The following NUP85 variants were observed in gnomAD, a reference collection of about 807,000 sequenced individuals.
NUP85 encodes nuclear pore complex protein Nup85.
In NUP85, 23 loss-of-function variants were observed where a neutral mutation model predicts 92.8. The observed-to-expected ratio is 0.25, with a 90% CI of 0.18 to 0.35. NUP85 has a LOEUF of 0.35. Among genes scored for constraint, NUP85 ranks in the 10% least tolerant of loss-of-function variants. The pLI, the probability that NUP85 is intolerant of heterozygous loss-of-function variation, is 1.00. For missense variants in NUP85, 759 were observed against 822.8 expected, an observed-to-expected ratio of 0.92 and a Z score of 0.95; for synonymous variants, 314 against 306.9, an observed-to-expected ratio of 1.02 and a Z score of -0.24.
intron 11 of NUP85, chr17:75,228,208 G>A: frequency 2.0e-6 from 2 of 985,354 alleles, no homozygotes; most frequent in South Asian, 9.4e-5. Context: ...TGGATGCAGG[G>A]AGTATAAAAG....
chr17:75,218,394 C>T (rs2075494836), intron 7 of NUP85, 88 bp downstream of exon 7: 4 of 1,540,256 alleles, frequency 2.6e-6, no homozygotes, highest in South Asian at 1.1e-5. Flanking sequence ...ACTGAGCCTC[C>T]AGCAGTAGGC....
At chr17:75,214,474 T>G (rs1037485597) in intron 5 of NUP85, among the ~76,000 whole-genome samples, 6 of 152,226 alleles carry the variant, frequency 3.9e-5, no homozygotes, top group Non-Finnish European at 7.3e-5. Context: ...CAATTCTTGC[T>G]CTGTCTACGT....
In NUP85 at chr17:75,231,701, G is replaced by A. The variant is rs2076066556; in HGVS notation, c.1244+63G>A. Reference sequence around the variant, plus strand: ...TCTTCAGCATGCGGGTGCCATTGGAGCTTGGACTGTTCTCTCCCAGTTGGC... The same window carrying A: ...TCTTCAGCATGCGGGTGCCATTGGAACTTGGACTGTTCTCTCCCAGTTGGC... On this transcript the variant is annotated intron_variant, in intron 13 of 18. Transcript: ENST00000245544. The surrounding 1 kb of genome is among the most constrained non-coding windows in gnomAD (Gnocchi z 4.6). 6.2e-7 allele frequency: 1 copy of A among 1,606,574 alleles called. No individual in the cohort carries two copies. Among genetic ancestry groups the A allele is most frequent in the African/African-American group, 1.3e-5 (1 of 74,718 alleles).
chr17:75,225,580 G>A (rs1246927676), intron 9 of NUP85, 116 bp downstream of exon 9: 23 of 1,569,726 alleles, frequency 1.5e-5, no homozygotes, highest in East Asian at 2.2e-5. Context: ...TCGCTCTGCC[G>A]TGATGGCGAG....
At chr17:75,234,898 G>T (rs760516189) in intron 17 of NUP85, 110 bp downstream of exon 17, 2 of 1,358,194 alleles carry the variant, frequency 1.5e-6, no homozygotes, top group Non-Finnish European at 1.0e-6. Flanking sequence ...CTGCCTGTGC[G>T]CGTGTATTCC....
At position 75,231,517 on chromosome 17, in the gene NUP85, G is replaced by A. The variant is rs199959682; in HGVS notation, c.1179-56G>A. The A allele has an allele frequency of 4.2e-3, 6,707 of 1,607,496 alleles. 58 individuals carry two copies. The highest frequency in any genetic ancestry group is 0.012 in the South Asian group (1,093 of 90,942). ...TGCCTGAAAGGGAGGTTGGGCTAAG[G>A]GGGCCCTGAACAGGGCAGGCCAGGA... On this transcript the variant is annotated intron_variant, in intron 12 of 18. Transcript: ENST00000245544. The surrounding 1 kb of genome is among the most constrained non-coding windows in gnomAD (Gnocchi z 4.6).
chr17:75,233,095 G>T lies in NUP85; in HGVS notation c.1552G>T (p.Asp518Tyr). 1.9e-6 allele frequency: 3 copies of T among 1,614,170 alleles called. No individual in the cohort carries two copies. Among genetic ancestry groups the T allele is most frequent in the Non-Finnish European group, 2.5e-6 (3 of 1,180,040 alleles). ...RDYCERGCFS[D>Y]LDLIDNLGPA... is the part of the protein sequence containing the mutation. ...TTACTGTGAGCGAGGCTGCTTTTCTGATTTGGATCTCATTGACAACCTGGG... is the reference window on the plus strand; with the variant it reads ...TTACTGTGAGCGAGGCTGCTTTTCTTATTTGGATCTCATTGACAACCTGGG... The change falls in exon 16 of 19, where the codon GAT becomes TAT. Residue 518 changes from aspartate (D) to tyrosine (Y), a missense_variant. Physicochemically the swap from Asp to Tyr is radical, Grantham distance 160 (BLOSUM62 -3). Transcript: ENST00000245544.
At chr17:75,207,980 G>A (rs923551469) in intron 1 of NUP85, among the ~76,000 whole-genome samples, 3 of 151,612 alleles carry the variant, frequency 2.0e-5, no homozygotes, top group Non-Finnish European at 4.4e-5. Context: ...ACAAGAGTTC[G>A]AACTCCTGAC....
At chr17:75,232,765 G>C in intron 14 of NUP85, 86 bp from the exon 15 acceptor site, 1 of 1,195,058 alleles carries the variant, frequency 8.4e-7, no homozygotes, top group Admixed American at 1.7e-5. Flanking sequence ...GAGTGAGGCT[G>C]TGAGGCCACT....
In NUP85 at chr17:75,231,759, G is replaced by C; in HGVS notation, c.1245-69G>C. On this transcript the variant is annotated intron_variant, in intron 13 of 18. Coordinates refer to ENST00000245544, the MANE Select transcript of NUP85 (RefSeq NM_024844.5). This position sits in a 1 kb window ranked among gnomAD's most constrained non-coding sequence, Gnocchi z 4.6. ...AGGCTTCGGAAGGGTCAGTGAAAGG[G>C]AGCTGTAGGTGCCAGTCCTCGGAGC... 6.2e-7 allele frequency: 1 copy of C among 1,607,982 alleles called. No homozygotes were observed. The highest frequency in any genetic ancestry group is 8.5e-7 in the Non-Finnish European group (1 of 1,175,414).
In NUP85 at chr17:75,231,029, T is replaced by C; in HGVS notation, c.1095-311T>C. 3.2e-6 allele frequency: 1 copy of C among 317,390 alleles called. No homozygotes were observed. 19.7% of individuals were successfully genotyped at this position (317,390 alleles called of 1,614,324 possible). On this transcript the variant is annotated intron_variant, in intron 11 of 18. Coordinates refer to ENST00000245544, the MANE Select transcript of NUP85 (RefSeq NM_024844.5). This position sits in a 1 kb window ranked among gnomAD's most constrained non-coding sequence, Gnocchi z 4.6. ...CGATTGCAGCCTCTGCTTCCCAGGCTCAAGCAATACTCCCACCCCAGCTTC... is the reference window on the plus strand; with the variant it reads ...CGATTGCAGCCTCTGCTTCCCAGGCCCAAGCAATACTCCCACCCCAGCTTC...
chr17:75,206,540 G>A lies in NUP85; in HGVS notation c.33+746G>A, dbSNP rs769657229. 6.2e-4 allele frequency among the ~76,000 whole-genome samples: 94 copies of A among 151,960 alleles called. 2 individuals carry two copies. Among genetic ancestry groups the A allele is most frequent in the Non-Finnish European group, 1.2e-4 (8 of 67,966 alleles). On this transcript the variant is annotated intron_variant, in intron 1 of 18. Coordinates refer to ENST00000245544, the MANE Select transcript of NUP85 (RefSeq NM_024844.5). Reference sequence around the variant, plus strand: ...TTAAAGAGGAAGGAGCTAGCAGGAGGGGCAAAAAAGGGAGGTTAGGCAGTG... The same window carrying A: ...TTAAAGAGGAAGGAGCTAGCAGGAGAGGCAAAAAAGGGAGGTTAGGCAGTG...
chr17:75,228,087 T>G, intron 11 of NUP85: 2 of 565,962 alleles, frequency 3.5e-6, no homozygotes, highest in Non-Finnish European at 4.5e-6. Context: ...AGTTGAGTAT[T>G]CTAAATTTCC....
At chr17:75,224,490 G>T (rs796143184) in intron 7 of NUP85, among the ~76,000 whole-genome samples, 11 of 152,252 alleles carry the variant, frequency 7.2e-5, no homozygotes, top group African/African-American at 2.6e-4. Flanking sequence ...GGTGGAGAAG[G>T]GGTGGGGGGA....
chr17:75,232,007 GT>G, intron 14 of NUP85, 28 bp downstream of exon 14: 1 of 1,612,110 alleles, frequency 6.2e-7, no homozygotes, highest in South Asian at 1.1e-5. Flanking sequence ...CCAGCCTACT[GT>G]CTGTGGGACG....
At chr17:75,218,434 T>C (rs1009900940) in intron 7 of NUP85, 128 bp downstream of exon 7, 18 of 1,069,042 alleles carry the variant, frequency 1.7e-5, no homozygotes, top group Non-Finnish European at 2.4e-5. Context: ...CTATGGAGAC[T>C]CTTTTGGATC....
intron 11 of NUP85, chr17:75,228,940 G>T: frequency 1.0e-6 from 1 of 985,450 alleles, no homozygotes; most frequent in Non-Finnish European, 1.2e-6. Context: ...TAACCCCTTA[G>T]CTGAAAGGAG....
chr17:75,220,230 T>G (rs1408500115), intron 7 of NUP85, among the ~76,000 whole-genome samples: 1 of 151,734 alleles, frequency 6.6e-6, no homozygotes, highest in African/African-American at 2.4e-5. Context: ...GTTCAAGTGA[T>G]TCTTCTGCCT....
chr17:75,231,448 C>G lies in NUP85; in HGVS notation c.1178+25C>G, dbSNP rs750082457. ...AGTAAGTGGCCGGGAGGCACCGATCCTCCTCTTCTTACCACCAGGCCCCCG... is the reference window on the plus strand; with the variant it reads ...AGTAAGTGGCCGGGAGGCACCGATCGTCCTCTTCTTACCACCAGGCCCCCG... On this transcript the variant is annotated intron_variant, in intron 12 of 18. Transcript: ENST00000245544. This position sits in a 1 kb window ranked among gnomAD's most constrained non-coding sequence, Gnocchi z 4.6. 1 of 1,613,226 alleles carries G rather than the reference C, an allele frequency of 6.2e-7. No individual in the cohort carries two copies. The highest frequency in any genetic ancestry group is 8.5e-7 in the Non-Finnish European group (1 of 1,179,142).
Sources: allele counts gnomAD v4.1 joint callset (sites outside exome capture counted in the v4.1 genomes callset), GRCh38; gene constraint gnomAD v4.1.1; non-coding constraint Gnocchi (gnomAD v3.1); transcripts MANE v1.5; gene names NCBI Gene and HGNC (gene_info 2026-07-23, HGNC 2026-07-21).